The following GPC3 variants were observed in gnomAD, a reference collection of about 807,000 sequenced individuals.
GPC3 encodes the protein glypican 3.
In GPC3, 3 loss-of-function variants were observed where a neutral mutation model predicts 34.4. That is an observed-to-expected ratio of 0.09 (90% CI 0.04 to 0.23). The LOEUF (loss-of-function observed/expected upper bound fraction) is 0.23. GPC3 is among the 10% of genes least tolerant of loss of function. GPC3 has a pLI of 1.00. For synonymous variants in GPC3, 177 were observed against 174.0 expected (o/e 1.02, Z -0.13); for missense variants, 351 against 445.6 (o/e 0.79, Z 1.91).
At chrX:133,813,156 A>G (rs2075673329) in intron 2 of GPC3, among the ~76,000 whole-genome samples, 2 of 112,572 alleles carry the variant, frequency 1.8e-5, no homozygotes, top group Non-Finnish European at 3.8e-5. Context: ...ATTTAAGTTT[A>G]AGGTTTTCCC....
Position 133,537,986 on chromosome X carries a change from G to T in GPC3, c.1574-1693C>A, listed in dbSNP as rs143910897. ...AAAGAAATAATGTCCTAAGGTTTAA[G>T]ATATATGAATCTGGTTACATTTTAC... On this transcript the variant is annotated intron_variant, in intron 7 of 7. Transcript: ENST00000370818. Among the ~76,000 whole-genome samples the T allele has an allele frequency of 1.8e-3, 195 of 111,154 alleles. 1 individual carries two copies. The highest frequency in any genetic ancestry group is 6.0e-3 in the African/African-American group (184 of 30,585).
chrX:133,554,840 C>A (rs1046846596), intron 7 of GPC3, among the ~76,000 whole-genome samples: 8 of 111,980 alleles, frequency 7.1e-5, no homozygotes, highest in African/African-American at 2.6e-4. Context: ...GTGCTCTTGC[C>A]ATTACTCCAT....
chrX:133,578,936 A>G (rs781341978), intron 7 of GPC3, among the ~76,000 whole-genome samples: 24 of 110,597 alleles, frequency 2.2e-4, no homozygotes, highest in African/African-American at 7.6e-4. Flanking sequence ...AGACCCTGCT[A>G]CAGGATCAAG....
At chrX:133,937,187 A>G (rs1336820062) in intron 2 of GPC3, among the ~76,000 whole-genome samples, 1 of 111,358 alleles carries the variant, frequency 9.0e-6, no homozygotes, top group Non-Finnish European at 1.9e-5. Context: ...CATCGGGGCC[A>G]CAATCCATGT....
chrX:133,934,929 G>A (rs1248820005), intron 2 of GPC3, among the ~76,000 whole-genome samples: 1 of 111,057 alleles, frequency 9.0e-6, no homozygotes, highest in Non-Finnish European at 1.9e-5. Context: ...TGGAGACACA[G>A]CTTCAATCAC....
chrX:133,537,690 A>G (rs1046458725), intron 7 of GPC3, among the ~76,000 whole-genome samples: 11 of 112,203 alleles, frequency 9.8e-5, no homozygotes, highest in South Asian at 3.7e-4. Flanking sequence ...CATTGAAAAA[A>G]GATATTTTTT....
intron 7 of GPC3, among the ~76,000 whole-genome samples, chrX:133,590,391 G>A (rs1183736662): frequency 9.0e-6 from 1 of 111,525 alleles, no homozygotes; most frequent in Admixed American, 9.5e-5. Context: ...AGGAACAGGC[G>A]AAGATGTAAC....
intron 7 of GPC3, among the ~76,000 whole-genome samples, chrX:133,556,699 T>C (rs1422890498): frequency 1.1e-4 from 11 of 98,691 alleles, no homozygotes; most frequent in African/African-American, 4.1e-4. Context: ...GTAATGTTTT[T>C]TTTTCTTAAA....
intron 7 of GPC3, among the ~76,000 whole-genome samples, chrX:133,556,516 C>G (rs2069490260): frequency 9.1e-6 from 1 of 109,990 alleles, no homozygotes; most frequent in Admixed American, 9.7e-5. Flanking sequence ...TCTCATTTCT[C>G]CCTGTATAAA....
At chrX:133,907,377 G>A (rs181339182) in intron 2 of GPC3, among the ~76,000 whole-genome samples, 206 of 110,073 alleles carry the variant, frequency 1.9e-3, no homozygotes, top group African/African-American at 6.8e-3. Flanking sequence ...TTTATTTCTA[G>A]ACACAATAGG....
rs1382187033 is a variant in GPC3 at position 133,794,699 on chromosome X, A to G, written c.338-40523T>C. 2.7e-5 allele frequency among the ~76,000 whole-genome samples: 3 copies of G among 111,863 alleles called. No individual in the cohort carries two copies. The East Asian group carries it at 8.5e-4, about 32-fold the overall frequency. On this transcript the variant is annotated intron_variant, in intron 2 of 7. Transcript: ENST00000370818. The stretch of plus-strand genomic sequence containing the variant: ...CTTCACAACCGCCTCACATGATCTC[A>G]ACAGAATCCCCACTGTAAATGCACT...
intron 1 of GPC3, among the ~76,000 whole-genome samples, chrX:133,959,338 C>T (rs953665686): frequency 1.2e-4 from 14 of 112,450 alleles, no homozygotes; most frequent in Admixed American, 1.2e-3. Context: ...ACCACATTCA[C>T]TTGGAGACCC....
intron 2 of GPC3, among the ~76,000 whole-genome samples, chrX:133,814,875 G>C (rs1270480666): frequency 9.0e-6 from 1 of 111,406 alleles, no homozygotes; most frequent in Non-Finnish European, 1.9e-5. Flanking sequence ...ACCCACTCTT[G>C]TGGCATTATA....
chrX:133,906,762 A>T (rs1161106529), intron 2 of GPC3, among the ~76,000 whole-genome samples: 1 of 111,973 alleles, frequency 8.9e-6, no homozygotes, highest in East Asian at 2.8e-4. Flanking sequence ...GGCTCTCTAG[A>T]ATCTGGTATG....
chrX:133,920,675 T>C (rs755429011), intron 2 of GPC3, among the ~76,000 whole-genome samples: 1 of 112,154 alleles, frequency 8.9e-6, no homozygotes, highest in Non-Finnish European at 1.9e-5. Context: ...CCCAATCCTA[T>C]GTATTTTCAA....
At chrX:133,800,876 C>T (rs1027441101) in intron 2 of GPC3, among the ~76,000 whole-genome samples, 1 of 111,710 alleles carries the variant, frequency 9.0e-6, no homozygotes, top group African/African-American at 3.3e-5. Context: ...CCACCTCTTT[C>T]ACCAGGGAAA....
At chrX:133,859,491 G>T (rs760457750) in intron 2 of GPC3, among the ~76,000 whole-genome samples, 5 of 111,767 alleles carry the variant, frequency 4.5e-5, no homozygotes, top group African/African-American at 1.6e-4. Flanking sequence ...CTGCTCTTCA[G>T]GGACCCCAGG....
At chrX:133,669,054 C>T (rs750712214) in intron 5 of GPC3, among the ~76,000 whole-genome samples, 2 of 111,414 alleles carry the variant, frequency 1.8e-5, no homozygotes, top group Non-Finnish European at 3.8e-5. Context: ...GGAGAGAGCC[C>T]TGTGTATAGG....
chrX:133,649,627 C>T (rs2070577156), intron 6 of GPC3, among the ~76,000 whole-genome samples: 1 of 111,661 alleles, frequency 9.0e-6, no homozygotes, highest in Admixed American at 9.6e-5. Context: ...CAAACAAAGG[C>T]GGCAGCACCA....
Sources: gnomAD v4.1 joint callset for allele counts (sites outside exome capture counted in the v4.1 genomes callset) on GRCh38, gnomAD v4.1.1 for gene constraint, MANE v1.5 for transcripts, NCBI Gene and HGNC (gene_info 2026-07-23, HGNC 2026-07-21) for gene names.